Variants in DCAF1 observed in about 807,000 individuals in gnomAD.
DCAF1 encodes the protein DDB1 and CUL4 associated factor 1, also known as DDB1- and CUL4-associated factor 1.
Under a neutral mutation model 128.0 loss-of-function variants are expected in DCAF1, and 15 were observed. The observed-to-expected ratio is 0.12, with a 90% CI of 0.08 to 0.18. The LOEUF (loss-of-function observed/expected upper bound fraction) is 0.18. Among genes scored for constraint, DCAF1 ranks in the 10% least tolerant of loss-of-function variants. DCAF1 has a pLI of 1.00. For missense variants in DCAF1, 988 were observed against 1,649.5 expected (o/e 0.60, Z 6.95); for synonymous variants, 610 against 603.0 (o/e 1.01, Z -0.17).
chr3:51,477,555 A>C (rs1705626350), intron 3 of DCAF1, among the ~76,000 whole-genome samples: 1 of 151,580 alleles, frequency 6.6e-6, no homozygotes, highest in Non-Finnish European at 1.5e-5. Flanking sequence ...TGAGTCCAGG[A>C]GGTTGAGGCT....
chr3:51,416,549 T>G (rs1324806654), intron 18 of DCAF1, among the ~76,000 whole-genome samples: 1 of 152,216 alleles, frequency 6.6e-6, no homozygotes, highest in East Asian at 1.9e-4. Flanking sequence ...TAAAACTTAC[T>G]AAGAATTCAA....
intron 1 of DCAF1, among the ~76,000 whole-genome samples, chr3:51,498,995 A>T (rs1370487967): frequency 1.3e-5 from 2 of 152,206 alleles, no homozygotes; most frequent in African/African-American, 2.4e-5. Context: ...TCATCAAAAA[A>T]ACAGGGTAAG....
At chr3:51,485,691 A>T (rs1458264241) in intron 2 of DCAF1, among the ~76,000 whole-genome samples, 7 of 152,226 alleles carry the variant, frequency 4.6e-5, no homozygotes, top group Admixed American at 6.5e-5. Context: ...CATAAAACCA[A>T]AAGAAATACA....
At chr3:51,403,064 C>T in intron 24 of DCAF1, 79 bp downstream of exon 24, 1 of 1,509,764 alleles carries the variant, frequency 6.6e-7, no homozygotes, top group Non-Finnish European at 8.8e-7. Flanking sequence ...TATGGCTTGC[C>T]CTCTAAGTTG....
At chr3:51,498,448 A>G (rs1371081321) in intron 1 of DCAF1, among the ~76,000 whole-genome samples, 2 of 152,052 alleles carry the variant, frequency 1.3e-5, no homozygotes, top group Non-Finnish European at 2.9e-5. Flanking sequence ...CCTGTATCTA[A>G]AAAAACAGGC....
chr3:51,498,166 C>T lies in DCAF1; in HGVS notation c.-55-1386G>A, dbSNP rs911936478. Reference sequence around the variant, plus strand: ...CACGAGGACAAGAGCTTGAGACCAGCCTGGCCAATATGCTGAAACCCCATC... The same window carrying T: ...CACGAGGACAAGAGCTTGAGACCAGTCTGGCCAATATGCTGAAACCCCATC... On this transcript the variant is annotated intron_variant, in intron 1 of 24. Coordinates refer to ENST00000684031, the MANE Select transcript of DCAF1 (RefSeq NM_001387579.1). Among the ~76,000 whole-genome samples the T allele has an allele frequency of 2.7e-5, 4 of 148,994 alleles. No homozygotes were observed. In the Admixed American group the frequency reaches 2.7e-4, roughly 10 times the overall value.
intron 3 of DCAF1, among the ~76,000 whole-genome samples, chr3:51,481,562 G>C (rs899926816): frequency 2.0e-5 from 3 of 151,916 alleles, no homozygotes; most frequent in African/African-American, 7.3e-5. Flanking sequence ...GAGCATGGTG[G>C]CTTATGCCTG....
At chr3:51,396,514 C>G (rs1553623013), downstream of DCAF1, 1 of 167,160 alleles carries the variant, frequency 6.0e-6, no homozygotes, top group Non-Finnish European at 1.5e-5. Context: ...TTACTTACTT[C>G]AGGCATCCAG....
intron 6 of DCAF1, among the ~76,000 whole-genome samples, chr3:51,448,814 T>C (rs1404259518): frequency 6.6e-6 from 1 of 152,022 alleles, no homozygotes; most frequent in Non-Finnish European, 1.5e-5. Flanking sequence ...AACAACACTA[T>C]AAGCCATTGA....
Position 51,416,890 on chromosome 3 carries a change from A to G in DCAF1, c.3519-19T>C, listed in dbSNP as rs1553630596. ...GGAATGCCTATGGACAAACAACAGG[A>G]GCACTGAAGTGACAGATCTTCAGGA... On this transcript the variant is annotated intron_variant, in intron 17 of 24. Transcript: ENST00000684031. 6.3e-7 allele frequency: 1 copy of G among 1,596,758 alleles called. No individual in the cohort carries two copies. Among genetic ancestry groups the G allele is most frequent in the East Asian group, 2.2e-5 (1 of 44,456 alleles).
chr3:51,497,960 G>C (rs1553662067), intron 1 of DCAF1, among the ~76,000 whole-genome samples: 1 of 143,136 alleles, frequency 7.0e-6, no homozygotes, highest in East Asian at 2.1e-4. Context: ...TGAGGCACGA[G>C]AATGGCGTGA....
At chr3:51,446,350 T>C (rs977517641) in intron 6 of DCAF1, among the ~76,000 whole-genome samples, 1 of 152,172 alleles carries the variant, frequency 6.6e-6, no homozygotes. Context: ...CAGTGGCTCA[T>C]GCCTGTAATC....
chr3:51,434,881 C>G (rs943650848), intron 9 of DCAF1, among the ~76,000 whole-genome samples: 18 of 152,114 alleles, frequency 1.2e-4, no homozygotes, highest in Non-Finnish European at 2.2e-4. Context: ...GACTCTGAAC[C>G]TAGGCCAACA....
At chr3:51,473,561 CTG>C (rs1553649307) in intron 3 of DCAF1, among the ~76,000 whole-genome samples, 1 of 149,654 alleles carries the variant, frequency 6.7e-6, no homozygotes, top group Non-Finnish European at 1.5e-5. Context: ...GTTGCTCAGG[CTG>C]GAGTGCAGCA....
chr3:51,458,133 G>C (rs530564414), intron 6 of DCAF1, among the ~76,000 whole-genome samples: 1 of 152,274 alleles, frequency 6.6e-6, no homozygotes, highest in African/African-American at 2.4e-5. Context: ...TGGATAAAGA[G>C]TCAAGACCCA....
chr3:51,425,559 CT>C (rs782117372), intron 13 of DCAF1, among the ~76,000 whole-genome samples: 26 of 96,844 alleles, frequency 2.7e-4, no homozygotes, highest in East Asian at 1.0e-3. Flanking sequence ...AAGCTGTCAT[CT>C]TTTTTTTTTT....
intron 9 of DCAF1, among the ~76,000 whole-genome samples, chr3:51,434,816 T>G (rs1179525187): frequency 6.6e-6 from 1 of 152,294 alleles, no homozygotes; most frequent in South Asian, 2.1e-4. Context: ...TGGGTGGAGA[T>G]CTCCTGCACA....
chr3:51,448,864 T>C (rs947884186), intron 6 of DCAF1, among the ~76,000 whole-genome samples: 1 of 151,872 alleles, frequency 6.6e-6, no homozygotes, highest in Admixed American at 6.6e-5. Flanking sequence ...CCAACAACAG[T>C]AGATTACACA....
chr3:51,402,752 T>C (rs782783094), intron 24 of DCAF1, among the ~76,000 whole-genome samples: 1 of 152,014 alleles, frequency 6.6e-6, no homozygotes, highest in Non-Finnish European at 1.5e-5. Context: ...TTTTGTATTT[T>C]TAGTAGAGAC....
Sources: gnomAD v4.1 joint callset for allele counts (sites outside exome capture counted in the v4.1 genomes callset) on GRCh38, gnomAD v4.1.1 for gene constraint, MANE v1.5 for transcripts, NCBI Gene and HGNC (gene_info 2026-07-23, HGNC 2026-07-21) for gene names.